SEMA4D: variants seen among roughly 807,000 people sequenced by gnomAD.
SEMA4D encodes the protein semaphorin 4D, also known as semaphorin-4D.
Under a neutral mutation model 74.8 loss-of-function variants are expected in SEMA4D, and 22 were observed. The observed-to-expected ratio is 0.29, with a 90% CI of 0.21 to 0.42. The LOEUF is 0.42. SEMA4D is among the 10% of genes least tolerant of loss of function. The pLI is 1.00. For missense variants in SEMA4D, 937 were observed against 1,118.4 expected, an observed-to-expected ratio of 0.84 and a Z score of 2.31; for synonymous variants, 445 against 463.7, an observed-to-expected ratio of 0.96 and a Z score of 0.52.
chr9:89,397,742 A>T (rs964667729), intron 5 of SEMA4D, among the ~76,000 whole-genome samples: 1 of 152,234 alleles, frequency 6.6e-6, no homozygotes, highest in Non-Finnish European at 1.5e-5. Context: ...CAAAGACTTC[A>T]GTGCAAGTGT....
At chr9:89,464,763 G>C (rs1160860875) in intron 1 of SEMA4D, among the ~76,000 whole-genome samples, 1 of 151,988 alleles carries the variant, frequency 6.6e-6, no homozygotes, top group East Asian at 1.9e-4. Context: ...TTAGGAAATG[G>C]GCAGGGTTGC....
At chr9:89,477,084 C>T (rs967868112) in intron 1 of SEMA4D, among the ~76,000 whole-genome samples, 2 of 152,110 alleles carry the variant, frequency 1.3e-5, no homozygotes, top group Admixed American at 6.5e-5. Context: ...CTAAGACTTC[C>T]GTAAAATAAG....
chr9:89,375,714 TGCCTGAA>T (rs1835696396), downstream of SEMA4D, among the ~76,000 whole-genome samples: 2 of 152,234 alleles, frequency 1.3e-5, 1 homozygote, highest in South Asian at 4.1e-4. Flanking sequence ...TACCACGCAC[TGCCTGAA>T]GCACAGGATA....
At chr9:89,363,516 G>T (rs1315651063) in exon 18 of SEMA4D, 4 of 1,614,046 alleles carry the variant, frequency 2.5e-6, no homozygotes, top group Non-Finnish European at 3.4e-6. Flanking sequence ...CACCTCTCCT[G>T]GTGGGTCACT....
intron 9 of SEMA4D, among the ~76,000 whole-genome samples, chr9:89,390,086 C>T (rs563156569): frequency 1.3e-5 from 2 of 152,166 alleles, no homozygotes; most frequent in Non-Finnish European, 2.9e-5. Flanking sequence ...CTCTGTGCAT[C>T]GCTGAATCTG....
intron 2 of SEMA4D, among the ~76,000 whole-genome samples, chr9:89,455,008 G>A (rs528080087): frequency 6.6e-6 from 1 of 152,278 alleles, no homozygotes; most frequent in Non-Finnish European, 1.5e-5. Flanking sequence ...CAGCAGCCCT[G>A]CAGGGCAGGC....
At chr9:89,384,040 C>T (rs1199212665) in intron 13 of SEMA4D, among the ~76,000 whole-genome samples, 4 of 152,190 alleles carry the variant, frequency 2.6e-5, no homozygotes, top group Non-Finnish European at 5.9e-5. Context: ...TCCTTGCCCT[C>T]TGCCACGCTA....
intron 16 of SEMA4D, among the ~76,000 whole-genome samples, chr9:89,371,782 C>CT (rs1244928061): frequency 3.1e-4 from 4 of 13,020 alleles, no homozygotes; most frequent in African/African-American, 6.7e-4. Flanking sequence ...TGGTGTGTGT[C>CT]GGGGTGTGTT....
chr9:89,494,422 C>T (rs566007008), intron 1 of SEMA4D, among the ~76,000 whole-genome samples: 3 of 152,306 alleles, frequency 2.0e-5, no homozygotes, highest in East Asian at 1.9e-4. Context: ...TCCACATAGG[C>T]GGCTCCATAA....
At chr9:89,482,067 G>A (rs1290828683) in intron 1 of SEMA4D, among the ~76,000 whole-genome samples, 1 of 152,184 alleles carries the variant, frequency 6.6e-6, no homozygotes, top group Non-Finnish European at 1.5e-5. Flanking sequence ...ACGGGTGAGG[G>A]GATCCACTGC....
intron 1 of SEMA4D, among the ~76,000 whole-genome samples, chr9:89,474,863 C>T (rs1369824623): frequency 1.3e-5 from 2 of 152,250 alleles, no homozygotes; most frequent in Admixed American, 6.5e-5. Context: ...CTGTGACTGT[C>T]AGCCCCTGCA....
intron 2 of SEMA4D, among the ~76,000 whole-genome samples, chr9:89,419,932 AC>A (rs1219464995): frequency 2.0e-5 from 3 of 152,156 alleles, no homozygotes; most frequent in South Asian, 2.1e-4. Flanking sequence ...AAACAAAAAA[AC>A]ACCTGAAAAA....
intron 2 of SEMA4D, among the ~76,000 whole-genome samples, chr9:89,421,533 C>T (rs1004218624): frequency 1.4e-4 from 21 of 152,164 alleles, no homozygotes; most frequent in Non-Finnish European, 2.8e-4. Context: ...ATGACTGGAA[C>T]GAGGCTATTC....
rs192133381 is a variant in SEMA4D at position 89,425,613 on chromosome 9, C to A, written c.-243-19914G>T. On this transcript the variant is annotated intron_variant, in intron 2 of 15. Coordinates refer to ENST00000422704, the MANE Select transcript of SEMA4D (RefSeq NM_001371194.2). ...GTTCAAGAGGCCTGGGCAAGGACAGCCTACAAGCCCGCTGCTTTGACATCA... is the reference window on the plus strand; with the variant it reads ...GTTCAAGAGGCCTGGGCAAGGACAGACTACAAGCCCGCTGCTTTGACATCA... Among the ~76,000 whole-genome samples, 6 of 152,340 alleles carry A rather than the reference C, an allele frequency of 3.9e-5. No homozygotes were observed. In the East Asian group the frequency reaches 9.6e-4, roughly 24 times the overall value.
chr9:89,423,501 T>C (rs1243149804), intron 2 of SEMA4D, among the ~76,000 whole-genome samples: 2 of 152,148 alleles, frequency 1.3e-5, no homozygotes, highest in Non-Finnish European at 2.9e-5. Flanking sequence ...GCTCAAACAT[T>C]TTTTATGCTT....
Position 89,472,930 on chromosome 9 carries a change from T to TA in SEMA4D, c.-309-16978dup, listed in dbSNP as rs558684241. ...GCAACATAGTGAGACCCCATCTCTA[T>TA]AAAAAATGTAAAAAAATTAGCCAGG... On this transcript the variant is annotated intron_variant, in intron 1 of 15. Transcript: ENST00000422704. Among the ~76,000 whole-genome samples, 447 of 151,332 alleles carry TA rather than the reference T, an allele frequency of 3.0e-3. 2 individuals are homozygous for TA. The highest frequency in any genetic ancestry group is 0.01 in the African/African-American group (422 of 41,200).
At chr9:89,373,097 A>G (rs892968753), downstream of SEMA4D, among the ~76,000 whole-genome samples, 2 of 152,036 alleles carry the variant, frequency 1.3e-5, no homozygotes, top group African/African-American at 2.4e-5. Context: ...CCCTGGGTGC[A>G]GGACAAGGGT....
chr9:89,476,257 C>T (rs578029749), intron 1 of SEMA4D, among the ~76,000 whole-genome samples: 20 of 152,318 alleles, frequency 1.3e-4, no homozygotes, highest in African/African-American at 4.8e-4. Context: ...GCTCACACAC[C>T]TTACCTAGGG....
intron 1 of SEMA4D, among the ~76,000 whole-genome samples, chr9:89,461,997 G>C (rs1391160692): frequency 6.6e-6 from 1 of 152,150 alleles, no homozygotes; most frequent in Non-Finnish European, 1.5e-5. Context: ...CACTGTGCCT[G>C]GCCTGATGTA....
Sources: allele counts gnomAD v4.1 joint callset (sites outside exome capture counted in the v4.1 genomes callset), GRCh38; gene constraint gnomAD v4.1.1; transcripts MANE v1.5; gene names NCBI Gene and HGNC (gene_info 2026-07-23, HGNC 2026-07-21).